KIRREL3: variants seen among roughly 807,000 people sequenced by gnomAD.
KIRREL3 encodes the protein kin of IRRE-like protein 3.
KIRREL3 carries 36 observed loss-of-function variants against 89.7 expected under a neutral mutation model. That is an observed-to-expected ratio of 0.40 (90% CI 0.31 to 0.53). The LOEUF is 0.53. Ranked by LOEUF, KIRREL3 falls within the 20% of genes least tolerant of loss-of-function variation. The probability of loss-of-function intolerance (pLI) is 0.49; values close to 1 mark genes in which losing one functional copy is unlikely to be tolerated. For synonymous variants in KIRREL3, 445 were observed against 441.4 expected, an observed-to-expected ratio of 1.01 and a Z score of -0.10; for missense variants, 864 against 1,056.6, an observed-to-expected ratio of 0.82 and a Z score of 2.53.
Position 126,576,863 on chromosome 11 carries a change from T to C in KIRREL3, c.56-13951A>G, listed in dbSNP as rs1355081626. Among the ~76,000 whole-genome samples, 1 of 152,242 alleles carries C rather than the reference T, an allele frequency of 6.6e-6. No homozygotes were observed. The highest frequency in any genetic ancestry group is 1.5e-5 in the Non-Finnish European group (1 of 68,040). On this transcript the variant is annotated intron_variant, in intron 1 of 16. Transcript: ENST00000525144. This position sits in a 1 kb window ranked among gnomAD's most constrained non-coding sequence, Gnocchi z 5.4. ...GAAGGAAGGACAAGAGATGAGCCTTTACTGAGATGCTGCTATCTGCTGGGC... is the reference window on the plus strand; with the variant it reads ...GAAGGAAGGACAAGAGATGAGCCTTCACTGAGATGCTGCTATCTGCTGGGC...
chr11:126,649,098 A>G (rs922006522), intron 1 of KIRREL3, among the ~76,000 whole-genome samples: 1 of 152,216 alleles, frequency 6.6e-6, no homozygotes, highest in Non-Finnish European at 1.5e-5. Flanking sequence ...TGATATAACC[A>G]TCAGATCTTG....
At chr11:126,577,730 C>A (rs1264858215) in intron 1 of KIRREL3, among the ~76,000 whole-genome samples, 1 of 151,682 alleles carries the variant, frequency 6.6e-6, no homozygotes, top group African/African-American at 2.4e-5. Flanking sequence ...CCACTGCACT[C>A]CAGCCTAGGC....
In KIRREL3 at chr11:126,432,057, C is replaced by T. The variant is rs921249312; in HGVS notation, c.1589-531G>A. On this transcript the variant is annotated intron_variant, in intron 13 of 16. Transcript: ENST00000525144. The surrounding 1 kb of genome is among the most constrained non-coding windows in gnomAD (Gnocchi z 6.2). Reference sequence around the variant, plus strand: ...TGTTTGCAGGTCTAAGTAGCTTCCCCGCAGGTCTGCTGGGCATCAGTTGTG... The same window carrying T: ...TGTTTGCAGGTCTAAGTAGCTTCCCTGCAGGTCTGCTGGGCATCAGTTGTG... Among the ~76,000 whole-genome samples, 2 of 152,146 alleles carry T rather than the reference C, an allele frequency of 1.3e-5. No individual in the cohort carries two copies. The highest frequency in any genetic ancestry group is 2.4e-5 in the African/African-American group (1 of 41,416).
intron 1 of KIRREL3, among the ~76,000 whole-genome samples, chr11:126,868,423 G>A (rs1413766578): frequency 2.0e-5 from 3 of 152,140 alleles, no homozygotes; most frequent in East Asian, 1.9e-4. Context: ...GGAGGGCCAC[G>A]TCGCCCTAGG....
In KIRREL3 at chr11:126,989,518, GC is replaced by G. The variant is rs1370190698; in HGVS notation, c.55+10936del. Among the ~76,000 whole-genome samples the G allele has an allele frequency of 1.3e-5, 2 of 152,202 alleles. No individual in the cohort carries two copies. Among genetic ancestry groups the G allele is most frequent in the Non-Finnish European group, 2.9e-5 (2 of 68,028 alleles). ...ACCGCCAGCTCTACCAACCACTCAG[GC>G]TGCAGACCAGACAAGGGAGTGGATT... is the stretch of plus-strand genomic sequence containing the variant. On this transcript the variant is annotated intron_variant, in intron 1 of 16. Transcript: ENST00000525144. This position sits in a 1 kb window ranked among gnomAD's most constrained non-coding sequence, Gnocchi z 6.2.
intron 4 of KIRREL3, among the ~76,000 whole-genome samples, chr11:126,514,813 C>CCAACACAACACAACA (rs61108090): frequency 1.9e-4 from 28 of 145,778 alleles, no homozygotes; most frequent in East Asian, 4.1e-4. Context: ...CATTGCCTCT[C>CCAACACAACACAACA]CAACACAACA....
At chr11:126,846,248 A>G (rs1489907193) in intron 1 of KIRREL3, among the ~76,000 whole-genome samples, 11 of 152,162 alleles carry the variant, frequency 7.2e-5, no homozygotes, top group Admixed American at 7.2e-4. Context: ...GTGCCTGCTT[A>G]TTAGGCCCTA....
chr11:126,541,777 C>T lies in KIRREL3; in HGVS notation c.134-15090G>A, dbSNP rs1053873522. ...TGTGCCCACAGCACGGGCTTGTGGGCCTGGGTTATTTCTAGTTCAGGCTCT... is the reference window on the plus strand; with the variant it reads ...TGTGCCCACAGCACGGGCTTGTGGGTCTGGGTTATTTCTAGTTCAGGCTCT... On this transcript the variant is annotated intron_variant, in intron 2 of 16. Transcript: ENST00000525144. The surrounding 1 kb of genome is among the most constrained non-coding windows in gnomAD (Gnocchi z 4.8). Among the ~76,000 whole-genome samples the T allele has an allele frequency of 1.3e-4, 19 of 151,832 alleles. No homozygotes were observed. The highest frequency in any genetic ancestry group is 1.1e-3 in the Admixed American group (16 of 15,224).
rs1227539452 is a variant in KIRREL3, at chr11:126,917,643, A to G, written c.55+82812T>C. On this transcript the variant is annotated intron_variant, in intron 1 of 16. Coordinates refer to ENST00000525144, the MANE Select transcript of KIRREL3 (RefSeq NM_032531.4). The surrounding 1 kb of genome is among the most constrained non-coding windows in gnomAD (Gnocchi z 5.0). ...CTGGTGCAATCTGGTTTCTAGTATG[A>G]GTTGCTTCCACTCATACTAGAAACC... 6.6e-6 allele frequency among the ~76,000 whole-genome samples: 1 copy of G among 152,072 alleles called. No homozygotes were observed. Among genetic ancestry groups the G allele is most frequent in the Non-Finnish European group, 1.5e-5 (1 of 68,022 alleles).
intron 1 of KIRREL3, among the ~76,000 whole-genome samples, chr11:126,899,604 C>T (rs1352715548): frequency 6.6e-6 from 1 of 152,196 alleles, no homozygotes; most frequent in Non-Finnish European, 1.5e-5. Context: ...CTTTGAAAGG[C>T]TATTCCATTG....
In KIRREL3 at chr11:126,520,466, C is replaced by T. The variant is rs1006339664; in HGVS notation, c.433+849G>A. Reference sequence around the variant, plus strand: ...TCCCACCGAGCAGCGTCAGGAACAGCGGAGGTCATGTGCCTGAAAGAGCCT... The same window carrying T: ...TCCCACCGAGCAGCGTCAGGAACAGTGGAGGTCATGTGCCTGAAAGAGCCT... On this transcript the variant is annotated intron_variant, in intron 4 of 16. Coordinates refer to ENST00000525144, the MANE Select transcript of KIRREL3 (RefSeq NM_032531.4). The surrounding 1 kb of genome is among the most constrained non-coding windows in gnomAD (Gnocchi z 4.9). 2.6e-5 allele frequency among the ~76,000 whole-genome samples: 4 copies of T among 152,262 alleles called. No individual in the cohort carries two copies. Among genetic ancestry groups the T allele is most frequent in the Middle Eastern group, 3.4e-3 (1 of 294 alleles).
chr11:126,939,562 G>C (rs1948348547), intron 1 of KIRREL3, among the ~76,000 whole-genome samples: 1 of 152,288 alleles, frequency 6.6e-6, no homozygotes, highest in Middle Eastern at 3.4e-3. Context: ...CCAGGAGAAA[G>C]GCTGCTCCTC....
chr11:126,446,310 C>CTCTTCCTT (rs1565457903), intron 9 of KIRREL3, among the ~76,000 whole-genome samples: 2 of 149,532 alleles, frequency 1.3e-5, no homozygotes, highest in Non-Finnish European at 3.0e-5. Flanking sequence ...TTCTCTCTCT[C>CTCTTCCTT]TCTTCCTTTC....
intron 3 of KIRREL3, among the ~76,000 whole-genome samples, chr11:126,524,357 C>A (rs1048302120): frequency 6.6e-6 from 1 of 152,178 alleles, no homozygotes; most frequent in Non-Finnish European, 1.5e-5. Context: ...AGGTCTTTAT[C>A]TTTAGAAGGG....
chr11:126,857,764 A>G (rs1592233249), intron 1 of KIRREL3, among the ~76,000 whole-genome samples: 1 of 90,920 alleles, frequency 1.1e-5, no homozygotes, highest in East Asian at 4.7e-4. Context: ...TGCGTGTGGG[A>G]GAAAAGTCTT....
chr11:126,826,668 G>T (rs10736559), intron 1 of KIRREL3, among the ~76,000 whole-genome samples: 1 of 151,852 alleles, frequency 6.6e-6, no homozygotes, highest in African/African-American at 2.4e-5. Flanking sequence ...CACAGAAGCT[G>T]GCTCTCCTTC....
In KIRREL3 at chr11:126,943,125, T is replaced by G. The variant is rs989316416; in HGVS notation, c.55+57330A>C. On this transcript the variant is annotated intron_variant, in intron 1 of 16. Coordinates refer to ENST00000525144, the MANE Select transcript of KIRREL3 (RefSeq NM_032531.4). This position sits in a 1 kb window ranked among gnomAD's most constrained non-coding sequence, Gnocchi z 4.2. The stretch of plus-strand genomic sequence containing the variant: ...TGATTGCACAGATTTCTGATAAATG[T>G]TTTCATCAGTGCCATAGGCCTGGGT... 6.6e-6 allele frequency among the ~76,000 whole-genome samples: 1 copy of G among 152,230 alleles called. No homozygotes were observed. The highest frequency in any genetic ancestry group is 1.5e-5 in the Non-Finnish European group (1 of 68,040).
intron 1 of KIRREL3, among the ~76,000 whole-genome samples, chr11:126,679,474 C>T (rs924594429): frequency 1.3e-5 from 2 of 152,156 alleles, no homozygotes; most frequent in Non-Finnish European, 2.9e-5. Flanking sequence ...CTACTATGAC[C>T]TCTGTTTTAT....
chr11:126,626,868 C>T (rs1168084394), intron 1 of KIRREL3, among the ~76,000 whole-genome samples: 4 of 152,120 alleles, frequency 2.6e-5, no homozygotes, highest in African/African-American at 9.6e-5. Context: ...ATTAGCCAGG[C>T]GTGGTGGCGC....
Sources: gnomAD v4.1 joint callset for allele counts (sites outside exome capture counted in the v4.1 genomes callset) on GRCh38, gnomAD v4.1.1 for gene constraint, Gnocchi (gnomAD v3.1) non-coding constraint, MANE v1.5 for transcripts, NCBI Gene and HGNC (gene_info 2026-07-23, HGNC 2026-07-21) for gene names.